The following EPB41L4A variants were observed in gnomAD, a reference collection of about 807,000 sequenced individuals.
The protein encoded by EPB41L4A is band 4.1-like protein 4A.
A neutral mutation model predicts 108.6 loss-of-function variants in EPB41L4A; 100 were observed. The observed-to-expected ratio is 0.92, with a 90% CI of 0.78 to 1.09. The LOEUF (loss-of-function observed/expected upper bound fraction) is 1.09. Ranked by LOEUF, EPB41L4A falls within the 50% of genes least tolerant of loss-of-function variation. EPB41L4A has a pLI of 0.00. For missense variants in EPB41L4A, 1,030 were observed against 842.7 expected, an observed-to-expected ratio of 1.22 and a Z score of -2.75; for synonymous variants, 319 against 289.0, an observed-to-expected ratio of 1.10 and a Z score of -1.05.
chr5:112,161,262 C>T, downstream of EPB41L4A: 1 of 308,148 alleles, frequency 3.2e-6, no homozygotes, highest in Non-Finnish European at 6.5e-6. Context: ...TTTCCACGTG[C>T]GGTGCTCGTC....
At chr5:112,151,731 C>CT (rs113895586) in intron 12 of EPB41L4A, among the ~76,000 whole-genome samples, 39,954 of 147,514 alleles carry the variant, frequency 0.27, 6,773 homozygotes, top group African/African-American at 0.49. Flanking sequence ...TATATTTAGT[C>CT]TTTTTTTTTT....
intron 2 of EPB41L4A, among the ~76,000 whole-genome samples, chr5:112,289,900 T>A (rs28634783): frequency 1 from 152,036 of 152,368 alleles, 75,854 homozygotes; most frequent in Non-Finnish European, 1. Flanking sequence ...AAAGAGTAAC[T>A]GGAGCACTTC....
At chr5:112,390,689 A>G (rs1760876403) in intron 1 of EPB41L4A, among the ~76,000 whole-genome samples, 1 of 152,106 alleles carries the variant, frequency 6.6e-6, no homozygotes, top group Non-Finnish European at 1.5e-5. Flanking sequence ...CTCTGAAGAG[A>G]GCAGTGGTTC....
chr5:112,334,476 C>T (rs1450599969), intron 1 of EPB41L4A, among the ~76,000 whole-genome samples: 1 of 152,160 alleles, frequency 6.6e-6, no homozygotes, highest in Non-Finnish European at 1.5e-5. Context: ...ACTTCATCTA[C>T]ATAATACAAA....
intron 4 of EPB41L4A, among the ~76,000 whole-genome samples, chr5:112,272,297 C>T (rs183212321): frequency 6.6e-6 from 1 of 151,560 alleles, no homozygotes; most frequent in African/African-American, 2.4e-5. Flanking sequence ...CCCGCCGCCA[C>T]GCGCAGCTGA....
rs766204333 is a variant in EPB41L4A at position 112,239,744 on chromosome 5, A to T, written c.888-7T>A. The T allele has an allele frequency of 6.3e-7, 1 of 1,597,254 alleles. No individual in the cohort carries two copies. The highest frequency in any genetic ancestry group is 1.7e-5 in the Admixed American group (1 of 58,456). The stretch of plus-strand genomic sequence containing the variant: ...GGATTCATTTTCTGGCATTCTAATC[A>T]ATTTTTAAAAGAAAATCAGACAAAG... On this transcript the variant is annotated splice_region_variant and splice_polypyrimidine_tract_variant and intron_variant, in intron 10 of 22. Coordinates refer to ENST00000261486, the MANE Select transcript of EPB41L4A (RefSeq NM_022140.5).
At chr5:112,354,048 G>A (rs934870031) in intron 1 of EPB41L4A, among the ~76,000 whole-genome samples, 4 of 152,204 alleles carry the variant, frequency 2.6e-5, no homozygotes, top group Non-Finnish European at 4.4e-5. Context: ...GAAACCAGAT[G>A]AGTTCAAAAC....
intron 9 of EPB41L4A, among the ~76,000 whole-genome samples, chr5:112,248,518 A>C (rs1317579544): frequency 6.6e-6 from 1 of 152,182 alleles, no homozygotes; most frequent in African/African-American, 2.4e-5. Context: ...AAACGAATCA[A>C]GATTGAGTCA....
At chr5:112,274,185 C>T (rs1030350159) in intron 4 of EPB41L4A, among the ~76,000 whole-genome samples, 15 of 151,930 alleles carry the variant, frequency 9.9e-5, no homozygotes, top group African/African-American at 2.7e-4. Context: ...GAGGCTGAGG[C>T]GGGAGGATTC....
intron 1 of EPB41L4A, among the ~76,000 whole-genome samples, chr5:112,392,401 CA>C (rs56256606): frequency 0.037 from 1,317 of 35,916 alleles, 7 homozygotes; most frequent in African/African-American, 0.093. Flanking sequence ...AAATGGAAAG[CA>C]AAAAAAAAAA....
chr5:112,161,609 G>C, downstream of EPB41L4A: 1 of 519,192 alleles, frequency 1.9e-6, no homozygotes, highest in Non-Finnish European at 3.8e-6. Context: ...AGCTGCATAA[G>C]TAACAGTTGC....
chr5:112,417,094 C>T (rs1442630726), intron 1 of EPB41L4A, among the ~76,000 whole-genome samples: 1 of 152,160 alleles, frequency 6.6e-6, no homozygotes, highest in Non-Finnish European at 1.5e-5. Context: ...TTATATGGCC[C>T]ATATCCAAAG....
At chr5:112,148,912 T>G (rs1300555259) in intron 12 of EPB41L4A, among the ~76,000 whole-genome samples, 1 of 152,228 alleles carries the variant, frequency 6.6e-6, no homozygotes, top group Non-Finnish European at 1.5e-5. Context: ...GAACTGTTTC[T>G]GAGTTATATC....
At chr5:112,365,639 G>A (rs530828791) in intron 1 of EPB41L4A, among the ~76,000 whole-genome samples, 5 of 152,304 alleles carry the variant, frequency 3.3e-5, no homozygotes, top group East Asian at 3.9e-4. Flanking sequence ...GGCACATTAC[G>A]ATGAAGTGAG....
rs376583236 is a variant in EPB41L4A, at chr5:112,272,274, G to A, written c.335+3052C>T. ...CTCAGCCTCCCAAGCAGGAGTAACC[G>A]GGAGTACAGGTGCCCGCCGCCACGC... is the stretch of plus-strand genomic sequence containing the variant. On this transcript the variant is annotated intron_variant, in intron 4 of 22. Coordinates refer to ENST00000261486, the MANE Select transcript of EPB41L4A (RefSeq NM_022140.5). Among the ~76,000 whole-genome samples, 14 of 150,728 alleles carry A rather than the reference G, an allele frequency of 9.3e-5. 1 individual carries two copies. The highest frequency in any genetic ancestry group is 2.0e-4 in the East Asian group (1 of 5,004).
chr5:112,234,663 G>C lies in EPB41L4A; in HGVS notation c.1058C>G (p.Pro353Arg), dbSNP rs1749200833. ...TGGCTGTGTTTGTGCTATTCGCTTA[G>C]GGTAAGTCTTGCTTCGACTTCTTGT... ...NVTRSRSKTY[P>R]KRIAQTQPAE... Residue 353 changes from proline (P) to arginine (R), a missense_variant, in exon 12 of 23, where the codon CCT becomes CGT. Physicochemically the swap from Pro to Arg is moderately radical, Grantham distance 103. Transcript: ENST00000261486. The C allele has an allele frequency of 6.2e-7, 1 of 1,613,580 alleles. No homozygotes were observed. The highest frequency in any genetic ancestry group is 8.5e-7 in the Non-Finnish European group (1 of 1,179,634).
Position 112,191,230 on chromosome 5 carries a change from G to A in EPB41L4A, c.1502+3338C>T, listed in dbSNP as rs535971623. On this transcript the variant is annotated intron_variant, in intron 17 of 22. Transcript: ENST00000261486. Reference sequence around the variant, plus strand: ...ACGATGTCCCAAATAAAGAAGCAGGGTGAATTACTCTGGTGTTCTAGGAAA... The same window carrying A: ...ACGATGTCCCAAATAAAGAAGCAGGATGAATTACTCTGGTGTTCTAGGAAA... 5.3e-5 allele frequency among the ~76,000 whole-genome samples: 8 copies of A among 152,308 alleles called. No individual in the cohort carries two copies. In the South Asian group the frequency reaches 1.7e-3, roughly 32 times the overall value.
chr5:112,414,157 T>G (rs983277332), intron 1 of EPB41L4A, among the ~76,000 whole-genome samples: 2 of 152,204 alleles, frequency 1.3e-5, no homozygotes, highest in Non-Finnish European at 2.9e-5. Flanking sequence ...GCAGGTATTG[T>G]TTTGTGTATA....
intron 1 of EPB41L4A, among the ~76,000 whole-genome samples, chr5:112,316,128 T>C (rs1302978607): frequency 1.3e-5 from 2 of 152,168 alleles, no homozygotes; most frequent in Non-Finnish European, 2.9e-5. Context: ...GAAAATACCA[T>C]CAATGGAGCT....
Sources: gnomAD v4.1 joint callset for allele counts (sites outside exome capture counted in the v4.1 genomes callset) on GRCh38, gnomAD v4.1.1 for gene constraint, MANE v1.5 for transcripts, NCBI Gene and HGNC (gene_info 2026-07-23, HGNC 2026-07-21) for gene names.